LAYN: variants seen among roughly 807,000 people sequenced by gnomAD.
LAYN encodes layilin.
Under a neutral mutation model 43.6 loss-of-function variants are expected in LAYN, and 38 were observed. The ratio of observed to expected loss-of-function variants is 0.87; its 90% confidence interval spans 0.67 to 1.14. The LOEUF is 1.14. LAYN is among the 50% of genes most tolerant of loss of function. The pLI is 0.00. For missense variants in LAYN, 479 were observed against 463.8 expected (o/e 1.03, Z -0.30); for synonymous variants, 168 against 172.9 (o/e 0.97, Z 0.22).
In LAYN at chr11:111,544,059, G is replaced by A. The variant is rs1409849919; in HGVS notation, c.222G>A (p.Glu74=). The part of the protein sequence containing the change: ...RRDGGQLVSI[E]SEDEQKLIEK... ...ATGGAGGCCAGCTAGTCAGCATCGA[G>A]TCTGAAGATGAACAGAAACTGATAG... is the stretch of plus-strand genomic sequence containing the variant. The change falls in exon 2 of 7, where the codon GAG becomes GAA. Residue 74 remains glutamate, a synonymous_variant. Transcript: ENST00000375614. The A allele has an allele frequency of 2.5e-6, 4 of 1,614,206 alleles. No homozygotes were observed. Among genetic ancestry groups the A allele is most frequent in the South Asian group, 1.1e-5 (1 of 91,078 alleles).
At position 111,555,407 on chromosome 11, in the gene LAYN, C is replaced by T. The variant is rs560323930; in HGVS notation, c.658+117C>T. On this transcript the variant is annotated intron_variant, in intron 5 of 6. Transcript: ENST00000375614. ...ACAGCTACCTAAAAATAGAACTAGACAGGGCATGTGTGGCTTTGCAAAAGC... is the reference window on the plus strand; with the variant it reads ...ACAGCTACCTAAAAATAGAACTAGATAGGGCATGTGTGGCTTTGCAAAAGC... 5 of 715,610 alleles carry T rather than the reference C, an allele frequency of 7.0e-6. No homozygotes were observed. The African/African-American group carries it at 8.9e-5, about 13-fold the overall frequency. The allele number at this position is 715,610 out of a possible 1,614,324, so 44.3% of individuals were successfully genotyped here. A position where few individuals can be genotyped will look rare whatever the true frequency, so the allele number is the denominator to read the frequency against.
At chr11:111,540,642 G>A (rs1434494407), upstream of LAYN, 1 of 520,190 alleles carries the variant, frequency 1.9e-6, no homozygotes, top group Non-Finnish European at 3.3e-6. Context: ...GCCAGCCAGC[G>A]GGGCTGCCCT....
chr11:111,540,588 G>T, upstream of LAYN: 1 of 492,126 alleles, frequency 2.0e-6, no homozygotes, highest in Non-Finnish European at 3.6e-6. Flanking sequence ...CTGGCTGGCC[G>T]AGTGTCTGGC....
intron 3 of LAYN, chr11:111,551,246 C>T (rs1279540051): frequency 9.2e-6 from 4 of 435,688 alleles, no homozygotes; most frequent in South Asian, 3.3e-5. Context: ...ACCATGCTGA[C>T]GTGGGATGGG....
At chr11:111,541,324 C>T (rs973778375) in intron 1 of LAYN, 10 of 606,646 alleles carry the variant, frequency 1.6e-5, no homozygotes, top group South Asian at 5.9e-5. Context: ...CTGGCCCCCG[C>T]CTACCGCCCG....
At chr11:111,541,508 A>G (rs769667330) in intron 1 of LAYN, 16 of 1,518,642 alleles carry the variant, frequency 1.1e-5, no homozygotes, top group Non-Finnish European at 1.4e-5. Flanking sequence ...GACGAGCCCC[A>G]CCTGACTCCG....
At chr11:111,548,654 T>C (rs1345590263) in intron 2 of LAYN, among the ~76,000 whole-genome samples, 1 of 152,206 alleles carries the variant, frequency 6.6e-6, no homozygotes, top group Non-Finnish European at 1.5e-5. Context: ...AGCCTTACTG[T>C]GGCGCTACAG....
At chr11:111,554,758 G>C (rs1022005291) in intron 4 of LAYN, among the ~76,000 whole-genome samples, 165 bp downstream of exon 4, 1 of 152,216 alleles carries the variant, frequency 6.6e-6, no homozygotes, top group South Asian at 2.1e-4. Flanking sequence ...ATGACAGCTA[G>C]TTTAGTCATC....
chr11:111,556,887 G>A (rs1397070396), intron 5 of LAYN, among the ~76,000 whole-genome samples: 2 of 152,188 alleles, frequency 1.3e-5, no homozygotes, highest in African/African-American at 4.8e-5. Context: ...GGACTAGAAA[G>A]TTCAGAAAAG....
At chr11:111,549,336 C>A (rs1867699654) in intron 2 of LAYN, among the ~76,000 whole-genome samples, 1 of 152,210 alleles carries the variant, frequency 6.6e-6, no homozygotes, top group Admixed American at 6.5e-5. Flanking sequence ...ACTAGCCCTG[C>A]TGGCTGCTTT....
In LAYN at chr11:111,560,462, A is replaced by G. The variant is rs767133161; in HGVS notation, c.*4A>G. On this transcript the variant is annotated 3_prime_UTR_variant, in exon 7 of 7. Transcript: ENST00000375614. Reference sequence around the variant, plus strand: ...AAATGAAATATATGGTTATTAGGACATATAAAAAACTGAAACTGACAACAA... The same window carrying G: ...AAATGAAATATATGGTTATTAGGACGTATAAAAAACTGAAACTGACAACAA... The G allele has an allele frequency of 6.3e-7, 1 of 1,592,570 alleles. No individual in the cohort carries two copies. Among genetic ancestry groups the G allele is most frequent in the Non-Finnish European group, 8.5e-7 (1 of 1,170,642 alleles).
chr11:111,551,224 A>G, intron 3 of LAYN: 1 of 399,102 alleles, frequency 2.5e-6, no homozygotes, highest in South Asian at 1.9e-5. Context: ...CACAAAATGC[A>G]GCTACTATCA....
chr11:111,552,375 C>A (rs1487648611), intron 3 of LAYN, among the ~76,000 whole-genome samples: 1 of 152,182 alleles, frequency 6.6e-6, no homozygotes, highest in Non-Finnish European at 1.5e-5. Flanking sequence ...TGGAAACTTA[C>A]CTGTTTAACC....
At position 111,540,848 on chromosome 11, in the gene LAYN, G is replaced by C. The variant is rs1444598334; in HGVS notation, c.5G>C (p.Arg2Thr). The C allele has an allele frequency of 2.6e-6, 4 of 1,529,588 alleles. No individual in the cohort carries two copies. The Admixed American group carries it at 5.9e-5, about 23-fold the overall frequency. The allele number at this position is 1,529,588 out of a possible 1,614,324, so 94.8% of individuals were successfully genotyped here. A position where few individuals can be genotyped will look rare whatever the true frequency, so the allele number is the denominator to read the frequency against. M[R>T]PGTALQAVLL... ...GGGGCGCACCCGAGTCGGGCCATGAGGCCGGGAACCGCGCTACAGGCCGTG... is the reference window on the plus strand; with the variant it reads ...GGGGCGCACCCGAGTCGGGCCATGACGCCGGGAACCGCGCTACAGGCCGTG... Residue 2 changes from arginine (R) to threonine (T), a missense_variant, in exon 1 of 7, where the codon AGG (arginine) becomes ACG (threonine). Arg to Thr is a moderately conservative substitution (Grantham distance 71, BLOSUM62 -1). Transcript: ENST00000375614.
At chr11:111,540,682 G>A (rs1867512251), upstream of LAYN, 2 of 625,752 alleles carry the variant, frequency 3.2e-6, no homozygotes, top group Non-Finnish European at 5.1e-6. Context: ...GGGGCGGAGG[G>A]GCGACCGACT....
chr11:111,556,692 A>G (rs922479234), intron 5 of LAYN, among the ~76,000 whole-genome samples: 8 of 152,160 alleles, frequency 5.3e-5, no homozygotes, highest in African/African-American at 1.4e-4. Flanking sequence ...GGTGGTATTT[A>G]AAGTGGGTTT....
chr11:111,543,979 C>T lies in LAYN; in HGVS notation c.142C>T (p.His48Tyr). 2 of 1,614,218 alleles carry T rather than the reference C, an allele frequency of 1.2e-6. No homozygotes were observed. The highest frequency in any genetic ancestry group is 2.2e-5 in the South Asian group (2 of 91,084). The change falls in exon 2 of 7, where the codon CAT (histidine) becomes TAT (tyrosine). Residue 48 changes from histidine (H) to tyrosine (Y), a missense_variant. By Grantham distance (83) the His-to-Tyr change is moderately conservative (BLOSUM62 2). Coordinates refer to ENST00000375614, the MANE Select transcript of LAYN (RefSeq NM_178834.5). ...GCCTTGTTATAAAGTCATTTACTTC[C>T]ATGATACTTCTCGAAGACTGAACTT... ...QRPCYKVIYF[H>Y]DTSRRLNFEE... is the part of the protein sequence containing the mutation.
At chr11:111,547,813 T>C (rs1292495080) in intron 2 of LAYN, among the ~76,000 whole-genome samples, 1 of 152,196 alleles carries the variant, frequency 6.6e-6, no homozygotes, top group African/African-American at 2.4e-5. Flanking sequence ...CATCTTTCCC[T>C]GGATAAGATA....
intron 2 of LAYN, 71 bp downstream of exon 2, chr11:111,544,291 G>A: frequency 6.8e-7 from 1 of 1,469,560 alleles, no homozygotes; most frequent in South Asian, 1.4e-5. Context: ...TGGATCCACA[G>A]TGCCAGATCA....
Sources: gnomAD v4.1 joint callset for allele counts (sites outside exome capture counted in the v4.1 genomes callset) on GRCh38, gnomAD v4.1.1 for gene constraint, MANE v1.5 for transcripts, NCBI Gene and HGNC (gene_info 2026-07-23, HGNC 2026-07-21) for gene names.